The following LMX1B variants were observed in gnomAD, a reference collection of about 807,000 sequenced individuals.
The protein encoded by LMX1B is LIM homeobox transcription factor 1-beta.
Under a neutral mutation model 51.4 loss-of-function variants are expected in LMX1B, and 12 were observed. The ratio of observed to expected loss-of-function variants is 0.23; its 90% CI spans 0.15 to 0.38. LMX1B has a LOEUF of 0.38. Among genes scored for constraint, LMX1B ranks in the 10% least tolerant of loss-of-function variants. The pLI, the probability that LMX1B is intolerant of heterozygous loss-of-function variation, is 1.00. For synonymous variants in LMX1B, 237 were observed against 235.4 expected, an observed-to-expected ratio of 1.01 and a Z score of -0.06; for missense variants, 445 against 571.1, an observed-to-expected ratio of 0.78 and a Z score of 2.25.
chr9:126,616,302 C>T (rs1191804064), intron 2 of LMX1B, among the ~76,000 whole-genome samples: 1 of 152,200 alleles, frequency 6.6e-6, no homozygotes, highest in African/African-American at 2.4e-5. Flanking sequence ...AGGGAGATGG[C>T]CCGCTCTGCC....
At chr9:126,621,516 C>A (rs1168892855) in intron 2 of LMX1B, among the ~76,000 whole-genome samples, 2 of 152,182 alleles carry the variant, frequency 1.3e-5, no homozygotes, top group Non-Finnish European at 2.9e-5. Context: ...GTAGAGGAAG[C>A]AAAGTGGCAG....
At chr9:126,634,455 G>A (rs1835679854) in intron 2 of LMX1B, among the ~76,000 whole-genome samples, 2 of 152,278 alleles carry the variant, frequency 1.3e-5, no homozygotes, top group South Asian at 2.1e-4. Context: ...TCCTGCCCTC[G>A]GCTGCCACCA....
chr9:126,678,003 A>G (rs1836598024), intron 2 of LMX1B, among the ~76,000 whole-genome samples: 1 of 152,204 alleles, frequency 6.6e-6, no homozygotes, highest in Non-Finnish European at 1.5e-5. Context: ...AGGCTCATTC[A>G]GAGGGTGATT....
chr9:126,696,299 G>A lies in LMX1B; in HGVS notation c.1057G>A (p.Asp353Asn), dbSNP rs1310715839. 2 of 1,613,992 alleles carry A rather than the reference G, an allele frequency of 1.2e-6. No homozygotes were observed. Among genetic ancestry groups the A allele is most frequent in the Non-Finnish European group, 1.7e-6 (2 of 1,179,938 alleles). The change falls in exon 8 of 8, where the codon GAC becomes AAC. Residue 353 changes from aspartate (D) to asparagine (N), a missense_variant. By Grantham distance (23) the Asp-to-Asn change is conservative. Coordinates refer to ENST00000373474, the MANE Select transcript of LMX1B (RefSeq NM_001174147.2). ...ACACCCCTTCTGCCCCCCAGGGAAC[G>A]ACTCCATCTTCCATGACATCGACAG... The part of the protein sequence containing the change: ...PGDHMNPYGN[D>N]SIFHDIDSDT...
intron 2 of LMX1B, among the ~76,000 whole-genome samples, chr9:126,621,854 G>C (rs763081706): frequency 1.3e-5 from 2 of 152,030 alleles, no homozygotes; most frequent in Non-Finnish European, 2.9e-5. Flanking sequence ...CTACTGCTGC[G>C]GTGAGGAGTG....
intron 2 of LMX1B, among the ~76,000 whole-genome samples, chr9:126,650,434 G>C (rs1348378146): frequency 6.6e-6 from 1 of 152,206 alleles, no homozygotes; most frequent in Non-Finnish European, 1.5e-5. Context: ...TTTTAATCAT[G>C]GGTGAGATGC....
intron 2 of LMX1B, among the ~76,000 whole-genome samples, chr9:126,688,474 A>G (rs2029991588): frequency 6.6e-6 from 1 of 152,206 alleles, no homozygotes; most frequent in Non-Finnish European, 1.5e-5. Flanking sequence ...CAGGCTGCAG[A>G]CCTTAGTGTG....
chr9:126,645,117 C>T (rs921685564), intron 2 of LMX1B, among the ~76,000 whole-genome samples: 4 of 152,208 alleles, frequency 2.6e-5, no homozygotes, highest in Non-Finnish European at 5.9e-5. Flanking sequence ...GGTTCCCCCC[C>T]TACCACCCAC....
chr9:126,637,774 G>T (rs1426271021), intron 2 of LMX1B, among the ~76,000 whole-genome samples: 1 of 151,838 alleles, frequency 6.6e-6, no homozygotes, highest in African/African-American at 2.4e-5. Flanking sequence ...TGCAGGGGAG[G>T]GCGGGGTGAT....
chr9:126,632,358 G>A (rs1239650698), intron 2 of LMX1B, among the ~76,000 whole-genome samples: 1 of 152,230 alleles, frequency 6.6e-6, no homozygotes, highest in Non-Finnish European at 1.5e-5. Flanking sequence ...CCAGGAGGGG[G>A]CCCTGGCAGC....
chr9:126,620,562 A>G (rs1217943883), intron 2 of LMX1B, among the ~76,000 whole-genome samples: 2 of 152,236 alleles, frequency 1.3e-5, no homozygotes, highest in Non-Finnish European at 2.9e-5. Flanking sequence ...AGAAAGGGCC[A>G]CAACAGGGTG....
intron 2 of LMX1B, among the ~76,000 whole-genome samples, chr9:126,679,093 C>T (rs1014184003): frequency 4.6e-5 from 7 of 152,222 alleles, no homozygotes; most frequent in African/African-American, 1.7e-4. Context: ...CTCTCCCATT[C>T]TACCAGGAGC....
At chr9:126,663,211 G>C (rs1836278218) in intron 2 of LMX1B, among the ~76,000 whole-genome samples, 3 of 145,002 alleles carry the variant, frequency 2.1e-5, no homozygotes, top group South Asian at 2.2e-4. Flanking sequence ...CGGATCACTT[G>C]AGGTCAGGAG....
chr9:126,664,518 C>T (rs1836305296), intron 2 of LMX1B, among the ~76,000 whole-genome samples: 2 of 152,322 alleles, frequency 1.3e-5, no homozygotes, highest in Non-Finnish European at 2.9e-5. Flanking sequence ...AGTCTCACTT[C>T]CCTTGTCTGT....
rs1212411400 is a variant in LMX1B at position 126,685,213 on chromosome 9, G to C, written c.327-5623G>C. On this transcript the variant is annotated intron_variant, in intron 2 of 7. Coordinates refer to ENST00000373474, the MANE Select transcript of LMX1B (RefSeq NM_001174147.2). ...GGAGTTTAGCAAGATGCAAAGGAAG[G>C]GGGCAGAGAAGCCAGGCCTTGGAAG... is the stretch of plus-strand genomic sequence containing the variant. Among the ~76,000 whole-genome samples, 6 of 152,142 alleles carry C rather than the reference G, an allele frequency of 3.9e-5. No individual in the cohort carries two copies. The East Asian group carries it at 9.6e-4, about 24-fold the overall frequency.
At chr9:126,666,036 C>T (rs1414354709) in intron 2 of LMX1B, among the ~76,000 whole-genome samples, 1 of 152,236 alleles carries the variant, frequency 6.6e-6, no homozygotes, top group Non-Finnish European at 1.5e-5. Flanking sequence ...GGCGCTGTGC[C>T]GAGGCGGTCT....
intron 2 of LMX1B, among the ~76,000 whole-genome samples, chr9:126,622,532 G>GCGGTGA (rs1327020759): frequency 6.6e-6 from 1 of 152,250 alleles, no homozygotes; most frequent in African/African-American, 2.4e-5. Flanking sequence ...AACTTCAGCA[G>GCGGTGA]CGGTGACGGG....
Position 126,613,945 on chromosome 9 carries a change from C to T in LMX1B, c.-505C>T, listed in dbSNP as rs991334224. ...CCGCCGCCAGCCCCAGCTCTAAACC[C>T]GGCGGCTCAGCGGGCGCACCATGGC... On this transcript the variant is annotated 5_prime_UTR_variant, in exon 1 of 8. Transcript: ENST00000373474. The surrounding 1 kb of genome is among the most constrained non-coding windows in gnomAD (Gnocchi z 4.5). Among the ~76,000 whole-genome samples, 26 of 146,650 alleles carry T rather than the reference C, an allele frequency of 1.8e-4. No homozygotes were observed. The highest frequency in any genetic ancestry group is 3.0e-4 in the Non-Finnish European group (20 of 65,916).
chr9:126,692,813 C>T (rs561007222), intron 3 of LMX1B, among the ~76,000 whole-genome samples: 2 of 152,356 alleles, frequency 1.3e-5, no homozygotes, highest in African/African-American at 2.4e-5. Context: ...GCCACATGTA[C>T]GTGTGTGCAT....
Sources: gnomAD v4.1 joint callset for allele counts (sites outside exome capture counted in the v4.1 genomes callset) on GRCh38, gnomAD v4.1.1 for gene constraint, Gnocchi (gnomAD v3.1) non-coding constraint, MANE v1.5 for transcripts, NCBI Gene and HGNC (gene_info 2026-07-23, HGNC 2026-07-21) for gene names.